ITIH5: variants seen among roughly 807,000 people sequenced by gnomAD.
ITIH5 encodes the protein inter-alpha-trypsin inhibitor heavy chain H5.
In ITIH5, 65 loss-of-function variants were observed where a neutral mutation model predicts 77.5. That is an observed-to-expected ratio of 0.84 (90% CI 0.69 to 1.03). The LOEUF is 1.03. Ranked by LOEUF, ITIH5 falls within the 50% of genes least tolerant of loss-of-function variation. The pLI, the probability that ITIH5 is intolerant of heterozygous loss-of-function variation, is 0.00. For missense variants in ITIH5, 1,208 were observed against 1,213.1 expected (o/e 1.00, Z 0.06); for synonymous variants, 525 against 494.3 (o/e 1.06, Z -0.82).
intron 7 of ITIH5, among the ~76,000 whole-genome samples, chr10:7,591,397 A>C (rs572853507): frequency 6.6e-6 from 1 of 152,130 alleles, no homozygotes; most frequent in East Asian, 1.9e-4. Context: ...CCTTCCTGAC[A>C]CGTTGAGCTG....
intron 7 of ITIH5, among the ~76,000 whole-genome samples, chr10:7,601,212 A>G (rs1833008397): frequency 6.6e-6 from 1 of 152,182 alleles, no homozygotes; most frequent in South Asian, 2.1e-4. Flanking sequence ...ACCACATCTA[A>G]GCAAAAGTGG....
intron 7 of ITIH5, among the ~76,000 whole-genome samples, chr10:7,605,746 A>C (rs1277630511): frequency 7.1e-6 from 1 of 140,206 alleles, no homozygotes; most frequent in Admixed American, 7.3e-5. Flanking sequence ...TGAGTAACAA[A>C]GCATTCTGAC....
intron 5 of ITIH5, among the ~76,000 whole-genome samples, chr10:7,626,574 C>T (rs949553084): frequency 6.6e-6 from 1 of 152,140 alleles, no homozygotes; most frequent in Non-Finnish European, 1.5e-5. Flanking sequence ...GGACCCAGAC[C>T]GGGACCCTGG....
chr10:7,633,657 T>C lies in ITIH5; in HGVS notation c.652+3571A>G, dbSNP rs1172568264. On this transcript the variant is annotated intron_variant, in intron 5 of 13. Transcript: ENST00000397146. ...GTAAGGTTTCTCAGCTTCTTCATAA[T>C]TAAAATGGGGATTGAAAAAAAAAAG... 2.0e-5 allele frequency among the ~76,000 whole-genome samples: 3 copies of C among 152,158 alleles called. No individual in the cohort carries two copies. In the East Asian group the frequency reaches 5.8e-4, roughly 29 times the overall value.
At chr10:7,594,375 C>T (rs897440897) in intron 7 of ITIH5, among the ~76,000 whole-genome samples, 1 of 152,138 alleles carries the variant, frequency 6.6e-6, no homozygotes, top group Non-Finnish European at 1.5e-5. Context: ...AAGCCACGCT[C>T]GTGTCCTCTA....
intron 5 of ITIH5, among the ~76,000 whole-genome samples, chr10:7,624,698 A>G (rs1398208618): frequency 6.9e-6 from 1 of 145,768 alleles, no homozygotes; most frequent in Non-Finnish European, 1.5e-5. Context: ...AGGCAGAAGA[A>G]TTGCTTGAAC....
chr10:7,581,985 C>G (rs1242371808), intron 8 of ITIH5, among the ~76,000 whole-genome samples: 1 of 150,712 alleles, frequency 6.6e-6, no homozygotes, highest in Non-Finnish European at 1.5e-5. Context: ...AAGCAATTCT[C>G]CTGCCTCAGC....
intron 2 of ITIH5, among the ~76,000 whole-genome samples, chr10:7,644,369 CATATAT>C (rs1196127066): frequency 1.4e-5 from 2 of 142,344 alleles, no homozygotes; most frequent in African/African-American, 2.6e-5. Context: ...ATATATATCA[CATATAT>C]ATCACATATA....
intron 5 of ITIH5, among the ~76,000 whole-genome samples, chr10:7,633,798 G>C (rs1833749821): frequency 6.6e-6 from 1 of 152,058 alleles, no homozygotes; most frequent in South Asian, 2.1e-4. Context: ...GATGAAAATG[G>C]GTCCGTGGTG....
chr10:7,630,989 G>A (rs1215223485), intron 5 of ITIH5, among the ~76,000 whole-genome samples: 1 of 151,288 alleles, frequency 6.6e-6, no homozygotes, highest in East Asian at 2.0e-4. Flanking sequence ...GAGGAATTGA[G>A]GTTACCCAGG....
intron 1 of ITIH5, among the ~76,000 whole-genome samples, chr10:7,664,463 A>G (rs976891088): frequency 2.0e-5 from 3 of 151,688 alleles, no homozygotes; most frequent in African/African-American, 7.3e-5. Flanking sequence ...TCTGCGCCCC[A>G]TCCCAAACCC....
chr10:7,618,853 A>T (rs1310181613), intron 5 of ITIH5: 1 of 152,244 alleles, frequency 6.6e-6, no homozygotes, highest in African/African-American at 2.4e-5. Context: ...CATTTCCTTT[A>T]ACAAAATAGG....
chr10:7,582,855 G>A (rs927861524), intron 8 of ITIH5, among the ~76,000 whole-genome samples: 1 of 152,132 alleles, frequency 6.6e-6, no homozygotes, highest in Non-Finnish European at 1.5e-5. Flanking sequence ...GTAGTGGGGG[G>A]TGGGGCAGAA....
intron 10 of ITIH5, 140 bp from the exon 11 acceptor site, chr10:7,573,335 A>G: frequency 1.5e-6 from 1 of 664,538 alleles, no homozygotes; most frequent in Non-Finnish European, 2.6e-6. Flanking sequence ...AAGACCTTTA[A>G]AACATCATCA....
At chr10:7,627,251 T>C (rs138726629) in intron 5 of ITIH5, among the ~76,000 whole-genome samples, 7,525 of 149,550 alleles carry the variant, frequency 0.05, 301 homozygotes, top group African/African-American at 0.11. Context: ...CATGTATACC[T>C]ATGTAACAAA....
chr10:7,654,553 G>A lies in ITIH5; in HGVS notation c.135+1078C>T, dbSNP rs1387560270. On this transcript the variant is annotated intron_variant, in intron 2 of 13. Transcript: ENST00000397146. ...CAGGCTTAGTGCTCATTATTAAAGA[G>A]TCGCGTTCCCTAAGTTAAGGGCTCC... Among the ~76,000 whole-genome samples the A allele has an allele frequency of 5.3e-5, 8 of 152,218 alleles. 1 individual carries two copies. The highest frequency in any genetic ancestry group is 5.2e-4 in the Admixed American group (8 of 15,288).
At chr10:7,583,188 C>T (rs1308901048) in intron 8 of ITIH5, among the ~76,000 whole-genome samples, 2 of 152,198 alleles carry the variant, frequency 1.3e-5, no homozygotes, top group South Asian at 2.1e-4. Context: ...ATCTCCCCCA[C>T]GGCTTAACAT....
chr10:7,633,658 T>G (rs938142441), intron 5 of ITIH5, among the ~76,000 whole-genome samples: 1 of 151,614 alleles, frequency 6.6e-6, no homozygotes, highest in African/African-American at 2.4e-5. Flanking sequence ...TCTTCATAAT[T>G]AAAATGGGGA....
intron 12 of ITIH5, among the ~76,000 whole-genome samples, chr10:7,566,760 G>C (rs1588355560): frequency 4.0e-5 from 1 of 24,748 alleles, no homozygotes; most frequent in African/African-American, 1.4e-4. Flanking sequence ...AGAAGAAGAA[G>C]AAGAAAGAAG....
Sources: gnomAD v4.1 joint callset for allele counts (sites outside exome capture counted in the v4.1 genomes callset) on GRCh38, gnomAD v4.1.1 for gene constraint, MANE v1.5 for transcripts, NCBI Gene and HGNC (gene_info 2026-07-23, HGNC 2026-07-21) for gene names.